TFEC: variants seen among roughly 807,000 people sequenced by gnomAD.
The protein encoded by TFEC is class E basic helix-loop-helix protein 34.
A neutral mutation model predicts 41.6 loss-of-function variants in TFEC; 31 were observed. That is an observed-to-expected ratio of 0.74 (90% CI 0.56 to 1.01). The LOEUF (loss-of-function observed/expected upper bound fraction) is 1.01, where lower values mean the gene tolerates loss of function less well. Ranked by LOEUF, TFEC falls within the 50% of genes least tolerant of loss-of-function variation. The probability of loss-of-function intolerance (pLI) is 0.00; values close to 1 mark genes in which losing one functional copy is unlikely to be tolerated. For missense variants in TFEC, 402 were observed against 404.1 expected, an observed-to-expected ratio of 0.99 and a Z score of 0.04; for synonymous variants, 143 against 140.6, an observed-to-expected ratio of 1.02 and a Z score of -0.12.
At chr7:116,145,850 C>T (rs1798630208) in intron 1 of TFEC, among the ~76,000 whole-genome samples, 1 of 152,144 alleles carries the variant, frequency 6.6e-6, no homozygotes, top group Non-Finnish European at 1.5e-5. Flanking sequence ...AATGCCAAAA[C>T]CCCTATAACA....
At chr7:116,041,752 T>A (rs1796042383) in intron 3 of TFEC, among the ~76,000 whole-genome samples, 1 of 152,172 alleles carries the variant, frequency 6.6e-6, no homozygotes, top group Non-Finnish European at 1.5e-5. Context: ...GGTTTTATAA[T>A]CCTTGTGATG....
chr7:116,109,822 A>G (rs2116074737), intron 3 of TFEC, among the ~76,000 whole-genome samples: 1 of 152,332 alleles, frequency 6.6e-6, no homozygotes, highest in Non-Finnish European at 1.5e-5. Flanking sequence ...CTTGGAACCA[A>G]CCCAAATGTC....
chr7:116,145,360 A>G (rs1462804626), intron 1 of TFEC, among the ~76,000 whole-genome samples: 3 of 152,162 alleles, frequency 2.0e-5, no homozygotes, highest in Non-Finnish European at 4.4e-5. Flanking sequence ...GTCCCATGTG[A>G]AGTAGCTAAA....
intron 2 of TFEC, among the ~76,000 whole-genome samples, chr7:115,976,258 T>C (rs1793373586): frequency 6.6e-6 from 1 of 151,886 alleles, no homozygotes; most frequent in Non-Finnish European, 1.5e-5. Context: ...ACCCTGTCTC[T>C]ACTGAAAAAT....
chr7:116,072,938 A>C (rs1796864450), intron 3 of TFEC, among the ~76,000 whole-genome samples: 1 of 151,528 alleles, frequency 6.6e-6, no homozygotes, highest in Admixed American at 6.6e-5. Context: ...ACCTCTGTTT[A>C]ACATTGTGCT....
At chr7:116,027,213 C>T (rs571199347) in intron 1 of TFEC, among the ~76,000 whole-genome samples, 6 of 152,024 alleles carry the variant, frequency 3.9e-5, no homozygotes, top group African/African-American at 7.2e-5. Flanking sequence ...ATTTTGGGAG[C>T]GTGAGGAAAG....
chr7:116,055,194 T>C (rs1796398844), intron 3 of TFEC, among the ~76,000 whole-genome samples: 1 of 152,142 alleles, frequency 6.6e-6, no homozygotes, highest in Non-Finnish European at 1.5e-5. Flanking sequence ...TCATCTTTGA[T>C]ACAAATGAAA....
chr7:116,080,166 T>C (rs1281413058), intron 3 of TFEC, among the ~76,000 whole-genome samples: 1 of 152,068 alleles, frequency 6.6e-6, no homozygotes, highest in East Asian at 1.9e-4. Flanking sequence ...TCTCACATTA[T>C]AAAAAAATTA....
At chr7:116,157,344 T>C (rs1584584114) in intron 1 of TFEC, 1 of 152,028 alleles carries the variant, frequency 6.6e-6, no homozygotes. Context: ...TTTTCACTTA[T>C]GACAGTTAAC....
chr7:115,976,591 T>C (rs1793390666), intron 2 of TFEC, among the ~76,000 whole-genome samples: 1 of 152,192 alleles, frequency 6.6e-6, no homozygotes, highest in Non-Finnish European at 1.5e-5. Context: ...TAGATGTGCA[T>C]ATTTTGTTTC....
At chr7:115,993,142 C>T (rs1200618561) in intron 1 of TFEC, among the ~76,000 whole-genome samples, 1 of 152,092 alleles carries the variant, frequency 6.6e-6, no homozygotes, top group African/African-American at 2.4e-5. Context: ...AAAGGCCTTT[C>T]ACAAAATTCA....
intron 4 of TFEC, among the ~76,000 whole-genome samples, chr7:115,956,232 A>C (rs1240020772): frequency 6.6e-6 from 1 of 151,976 alleles, no homozygotes; most frequent in Non-Finnish European, 1.5e-5. Context: ...TGAAATCCAT[A>C]AAACAAGCTA....
At chr7:115,989,302 G>A (rs930338196) in intron 1 of TFEC, among the ~76,000 whole-genome samples, 15 of 152,134 alleles carry the variant, frequency 9.9e-5, no homozygotes, top group African/African-American at 3.6e-4. Flanking sequence ...CCAAATAGGA[G>A]CAGCTCCAGT....
At chr7:116,078,731 T>C (rs990717787) in intron 3 of TFEC, among the ~76,000 whole-genome samples, 2 of 152,080 alleles carry the variant, frequency 1.3e-5, no homozygotes, top group Admixed American at 1.3e-4. Flanking sequence ...CCAGACAGAT[T>C]CACAGCTGAA....
At chr7:115,962,436 C>G (rs1228089250) in intron 3 of TFEC, among the ~76,000 whole-genome samples, 2 of 151,736 alleles carry the variant, frequency 1.3e-5, no homozygotes, top group African/African-American at 4.8e-5. Flanking sequence ...GATTTCAAAA[C>G]TTATTACAAA....
intron 1 of TFEC, among the ~76,000 whole-genome samples, chr7:116,141,145 A>G (rs1002580029): frequency 6.6e-6 from 1 of 152,186 alleles, no homozygotes; most frequent in African/African-American, 2.4e-5. Flanking sequence ...GAGTTGTTTC[A>G]GAGGTTCACA....
intron 1 of TFEC, among the ~76,000 whole-genome samples, chr7:116,139,572 C>G (rs904982895): frequency 1.3e-5 from 2 of 152,058 alleles, no homozygotes; most frequent in Non-Finnish European, 2.9e-5. Flanking sequence ...ATCATTGAAC[C>G]TTGCATTTAT....
At chr7:115,989,448 T>A (rs184864712) in intron 1 of TFEC, among the ~76,000 whole-genome samples, 48 of 152,296 alleles carry the variant, frequency 3.2e-4, no homozygotes, top group Non-Finnish European at 5.7e-4. Context: ...GGGCGGGGCA[T>A]CGCCTCACCC....
chr7:116,054,763 T>C (rs1796389493), intron 3 of TFEC, among the ~76,000 whole-genome samples: 1 of 152,140 alleles, frequency 6.6e-6, no homozygotes, highest in East Asian at 1.9e-4. Context: ...CATCTTGTAT[T>C]TCATCTGGCA....
Sources: gnomAD v4.1 joint callset for allele counts (sites outside exome capture counted in the v4.1 genomes callset) on GRCh38, gnomAD v4.1.1 for gene constraint, MANE v1.5 for transcripts, NCBI Gene and HGNC (gene_info 2026-07-23, HGNC 2026-07-21) for gene names.